The following CSMD1 variants were observed in gnomAD, a reference collection of about 807,000 sequenced individuals.
The protein encoded by CSMD1 is CUB and Sushi multiple domains 1, also known as CUB and sushi domain-containing protein 1.
Under a neutral mutation model 417.5 loss-of-function variants are expected in CSMD1, and 213 were observed. The ratio of observed to expected loss-of-function variants is 0.51; its 90% CI spans 0.46 to 0.57. The LOEUF (loss-of-function observed/expected upper bound fraction) is 0.57. CSMD1 is among the 20% of genes least tolerant of loss of function. CSMD1 has a pLI of 0.00. For synonymous variants in CSMD1, 2,862 were observed against 1,736.8 expected, an observed-to-expected ratio of 1.65 and a Z score of -16.11; for missense variants, 6,923 against 4,529.7, an observed-to-expected ratio of 1.53 and a Z score of -15.17.
chr8:4,011,900 T>C (rs1816567941), intron 4 of CSMD1, among the ~76,000 whole-genome samples: 1 of 152,120 alleles, frequency 6.6e-6, no homozygotes, highest in South Asian at 2.1e-4. Flanking sequence ...AAATGGAATT[T>C]TATTTGCATA....
intron 5 of CSMD1, among the ~76,000 whole-genome samples, chr8:3,827,175 C>G (rs752664905): frequency 6.6e-6 from 1 of 152,164 alleles, no homozygotes; most frequent in Non-Finnish European, 1.5e-5. Flanking sequence ...TACTTATGTT[C>G]TTGAGGTATT....
intron 5 of CSMD1, among the ~76,000 whole-genome samples, chr8:3,787,812 G>C (rs959711395): frequency 1.3e-5 from 2 of 152,124 alleles, no homozygotes; most frequent in South Asian, 4.1e-4. Flanking sequence ...TAAATGTGCT[G>C]GAATAAGAAA....
chr8:4,537,257 T>A (rs1296395491), intron 2 of CSMD1, among the ~76,000 whole-genome samples: 2 of 152,210 alleles, frequency 1.3e-5, no homozygotes, highest in African/African-American at 4.8e-5. Flanking sequence ...ACAGTAGGTA[T>A]TTTTAGAAAT....
intron 1 of CSMD1, among the ~76,000 whole-genome samples, chr8:4,721,331 G>A (rs549166079): frequency 2.0e-5 from 3 of 152,072 alleles, no homozygotes; most frequent in East Asian, 3.9e-4. Context: ...TTGATGAGTA[G>A]AACAATCTCT....
chr8:3,229,985 C>T lies in CSMD1; in HGVS notation c.4345+55G>A, dbSNP rs369089330. On this transcript the variant is annotated intron_variant, in intron 27 of 69. Coordinates refer to ENST00000635120, the MANE Select transcript of CSMD1 (RefSeq NM_033225.6). ...TAATACATTTACGGAGCGCTTTTAA[C>T]GACAACATGCATCCATTCCTGAATA... 2.0e-5 allele frequency: 26 copies of T among 1,271,316 alleles called. No homozygotes were observed. In the African/African-American group the frequency reaches 2.9e-4, roughly 14 times the overall value. The allele number at this position is 1,271,316 out of a possible 1,614,324, so 78.8% of individuals were successfully genotyped here.
intron 2 of CSMD1, among the ~76,000 whole-genome samples, chr8:4,514,257 G>T (rs1802993660): frequency 1.3e-5 from 2 of 151,944 alleles, no homozygotes; most frequent in Non-Finnish European, 2.9e-5. Context: ...TTTTTATACG[G>T]ATATAAATCC....
At chr8:3,792,901 T>G (rs993784893) in intron 5 of CSMD1, among the ~76,000 whole-genome samples, 1 of 152,176 alleles carries the variant, frequency 6.6e-6, no homozygotes, top group African/African-American at 2.4e-5. Context: ...CTAACCTACC[T>G]GAGATTTACC....
chr8:3,114,662 A>C (rs968620062), intron 42 of CSMD1, among the ~76,000 whole-genome samples: 2 of 152,042 alleles, frequency 1.3e-5, no homozygotes, highest in East Asian at 3.9e-4. Flanking sequence ...TAAAGACTGT[A>C]TTTGTGAATG....
chr8:3,349,414 G>C (rs76498294), intron 21 of CSMD1, among the ~76,000 whole-genome samples: 1,588 of 152,156 alleles, frequency 0.01, 27 homozygotes, highest in Middle Eastern at 0.037. Flanking sequence ...TTGAATCTCA[G>C]AATGCCTCCA....
chr8:4,696,565 T>C (rs542086827), intron 1 of CSMD1, among the ~76,000 whole-genome samples: 1 of 152,214 alleles, frequency 6.6e-6, no homozygotes, highest in Non-Finnish European at 1.5e-5. Flanking sequence ...GGCTACAGAA[T>C]GATATAGGAA....
chr8:3,617,464 C>A (rs1432410167), intron 7 of CSMD1, among the ~76,000 whole-genome samples: 1 of 152,134 alleles, frequency 6.6e-6, no homozygotes, highest in Non-Finnish European at 1.5e-5. Context: ...CAAACTAACA[C>A]ATTTCTTTTT....
At chr8:4,573,066 C>A (rs192254165) in intron 2 of CSMD1, among the ~76,000 whole-genome samples, 10 of 152,232 alleles carry the variant, frequency 6.6e-5, no homozygotes, top group African/African-American at 2.4e-4. Flanking sequence ...TTAGAAAACG[C>A]TCCTTTAGCT....
chr8:3,178,987 A>C (rs563261904), intron 37 of CSMD1, among the ~76,000 whole-genome samples: 4 of 145,020 alleles, frequency 2.8e-5, no homozygotes, highest in Admixed American at 7.2e-5. Flanking sequence ...TCACTCTGTC[A>C]CCCAGGCTGG....
intron 2 of CSMD1, among the ~76,000 whole-genome samples, chr8:4,555,047 C>G (rs1159637995): frequency 6.6e-6 from 1 of 152,282 alleles, no homozygotes; most frequent in East Asian, 1.9e-4. Flanking sequence ...TAGGAGCCAG[C>G]CCACGCAATT....
chr8:3,422,783 G>C (rs576732726), intron 12 of CSMD1, among the ~76,000 whole-genome samples: 21 of 152,274 alleles, frequency 1.4e-4, no homozygotes, highest in African/African-American at 4.8e-4. Flanking sequence ...ATTTCTCATG[G>C]TTCAAGAGGC....
chr8:3,568,088 T>C (rs1389011783), intron 10 of CSMD1, among the ~76,000 whole-genome samples: 1 of 152,150 alleles, frequency 6.6e-6, no homozygotes, highest in Non-Finnish European at 1.5e-5. Context: ...TTAAAAATAA[T>C]TTTATAATTT....
At chr8:4,504,882 T>C (rs572188691) in intron 2 of CSMD1, among the ~76,000 whole-genome samples, 4 of 152,340 alleles carry the variant, frequency 2.6e-5, no homozygotes, top group African/African-American at 4.8e-5. Context: ...CAGTCTGTCA[T>C]TGATGGGCAT....
In CSMD1 at chr8:4,994,701, G is replaced by A. The variant is rs1348237277; in HGVS notation, c.-285C>T. 4 of 373,826 alleles carry A rather than the reference G, an allele frequency of 1.1e-5. No homozygotes were observed. The highest frequency in any genetic ancestry group is 9.1e-5 in the South Asian group (2 of 21,982). 23.2% of individuals were successfully genotyped at this position (373,826 alleles called of 1,614,324 possible). On this transcript the variant is annotated 5_prime_UTR_variant, in exon 1 of 70. Transcript: ENST00000635120. ...AGCGCCGGCCGAGCCGGGCAGGAAG[G>A]CACCAAGGCGGCGAGGCTGCGGGAG...
intron 1 of CSMD1, among the ~76,000 whole-genome samples, chr8:4,944,101 G>C (rs1808209946): frequency 6.6e-6 from 1 of 152,126 alleles, no homozygotes; most frequent in African/African-American, 2.4e-5. Flanking sequence ...TAGAAGGAAA[G>C]GCAGATTCAA....
Sources: gnomAD v4.1 joint callset for allele counts (sites outside exome capture counted in the v4.1 genomes callset) on GRCh38, gnomAD v4.1.1 for gene constraint, MANE v1.5 for transcripts, NCBI Gene and HGNC (gene_info 2026-07-23, HGNC 2026-07-21) for gene names.